Variants in CSMD1 observed in about 807,000 individuals in gnomAD.
CSMD1 encodes the protein CUB and sushi domain-containing protein 1.
Under a neutral mutation model 417.5 loss-of-function variants are expected in CSMD1, and 213 were observed. That is an observed-to-expected ratio of 0.51 (90% CI 0.46 to 0.57). CSMD1 has a LOEUF of 0.57. CSMD1 is among the 20% of genes least tolerant of loss of function. The probability of loss-of-function intolerance (pLI) is 0.00; values close to 1 mark genes in which losing one functional copy is unlikely to be tolerated. For missense variants in CSMD1, 6,923 were observed against 4,529.7 expected, an observed-to-expected ratio of 1.53 and a Z score of -15.17; for synonymous variants, 2,862 against 1,736.8, an observed-to-expected ratio of 1.65 and a Z score of -16.11.
intron 3 of CSMD1, among the ~76,000 whole-genome samples, chr8:4,383,441 G>C (rs554726654): frequency 6.6e-6 from 1 of 152,264 alleles, no homozygotes; most frequent in African/African-American, 2.4e-5. Flanking sequence ...CAGATACCAT[G>C]AATTTCACAG....
At chr8:4,592,278 A>T (rs1183163167) in intron 2 of CSMD1, among the ~76,000 whole-genome samples, 1 of 151,650 alleles carries the variant, frequency 6.6e-6, no homozygotes, top group African/African-American at 2.4e-5. Context: ...GTATTACAGA[A>T]TAGTGAAAGT....
At chr8:4,412,212 C>A (rs531074784) in intron 3 of CSMD1, among the ~76,000 whole-genome samples, 1 of 152,022 alleles carries the variant, frequency 6.6e-6, no homozygotes. Flanking sequence ...ATTGTAACCC[C>A]CAGTATTGGA....
Position 3,478,448 on chromosome 8 carries a change from G to C in CSMD1, c.1449-9624C>G, listed in dbSNP as rs572015631. 3.0e-4 allele frequency among the ~76,000 whole-genome samples: 45 copies of C among 152,200 alleles called. 1 individual carries two copies. The South Asian group carries it at 7.3e-3, about 25-fold the overall frequency. On this transcript the variant is annotated intron_variant, in intron 11 of 69. Transcript: ENST00000635120. ...CAGATCCTTTTTTCCTTCCCCCTCT[G>C]TGTAAAACACAAATATCAGGCCTGA...
intron 52 of CSMD1, among the ~76,000 whole-genome samples, chr8:3,001,178 T>C (rs1375464716): frequency 6.6e-6 from 1 of 152,012 alleles, no homozygotes; most frequent in Non-Finnish European, 1.5e-5. Flanking sequence ...TTATTTTTAG[T>C]AGAGATGGGG....
chr8:3,887,602 T>C (rs1470678381), intron 5 of CSMD1, among the ~76,000 whole-genome samples: 1 of 152,138 alleles, frequency 6.6e-6, no homozygotes, highest in Non-Finnish European at 1.5e-5. Flanking sequence ...GTTTTAAAGC[T>C]CCCCAGGTAA....
At chr8:3,025,892 C>T (rs1809834072) in intron 51 of CSMD1, among the ~76,000 whole-genome samples, 1 of 152,056 alleles carries the variant, frequency 6.6e-6, no homozygotes, top group Non-Finnish European at 1.5e-5. Flanking sequence ...AATAAATTAA[C>T]AAATCAATAT....
chr8:4,819,686 C>A (rs1274836557), intron 1 of CSMD1, among the ~76,000 whole-genome samples: 3 of 152,136 alleles, frequency 2.0e-5, no homozygotes, highest in African/African-American at 7.2e-5. Flanking sequence ...TTTGTAAATT[C>A]TGTCCCAGTG....
chr8:3,387,497 C>T lies in CSMD1; in HGVS notation c.2779G>A (p.Asp927Asn), dbSNP rs779007112. Reference sequence around the variant, plus strand: ...TGCCTCACTGAGCTGTACCTACCGTCGCAGCTGGGCAAGGCGTGGTTCCAC... The same window carrying T: ...TGCCTCACTGAGCTGTACCTACCGTTGCAGCTGGGCAAGGCGTGGTTCCAC... ...HQWNHALPSCDALCGGYIQGK... is the reference protein window; with the variant it reads ...HQWNHALPSCNALCGGYIQGK... The change falls in exon 18 of 70, where the codon GAC becomes AAC. Residue 927 changes from aspartate (D) to asparagine (N), a missense_variant. Transcript: ENST00000635120. 9 of 1,596,910 alleles carry T rather than the reference C, an allele frequency of 5.6e-6. No homozygotes were observed. The highest frequency in any genetic ancestry group is 3.4e-5 in the South Asian group (3 of 87,880).
chr8:4,441,285 T>C (rs187347), intron 2 of CSMD1, among the ~76,000 whole-genome samples: 5 of 110,638 alleles, frequency 4.5e-5, no homozygotes, highest in Non-Finnish European at 9.0e-5. Context: ...TTTTTTTTGG[T>C]GGGGGGAGTA....
chr8:3,589,339 G>A (rs768615650), intron 8 of CSMD1, among the ~76,000 whole-genome samples: 1 of 151,962 alleles, frequency 6.6e-6, no homozygotes, highest in Non-Finnish European at 1.5e-5. Context: ...AATCAATGCA[G>A]GGGTCCAACA....
intron 3 of CSMD1, among the ~76,000 whole-genome samples, chr8:4,108,055 C>A (rs6983668): frequency 8.6e-4 from 2 of 2,320 alleles, no homozygotes; most frequent in African/African-American, 3.5e-3. Flanking sequence ...GAGACAGAGA[C>A]AGAGACAGAG....
In CSMD1 at chr8:4,011,642, T is replaced by G. The variant is rs542939897; in HGVS notation, c.611-13532A>C. ...ATTCATCCATTTCCTCATCCTTGAA[T>G]TCTTTTCATTCCTACACTTCCTAAA... On this transcript the variant is annotated intron_variant, in intron 4 of 69. Coordinates refer to ENST00000635120, the MANE Select transcript of CSMD1 (RefSeq NM_033225.6). Among the ~76,000 whole-genome samples, 8 of 152,324 alleles carry G rather than the reference T, an allele frequency of 5.3e-5. No individual in the cohort carries two copies. The South Asian group carries it at 1.7e-3, about 32-fold the overall frequency.
chr8:4,468,652 C>A (rs547557823), intron 2 of CSMD1, among the ~76,000 whole-genome samples: 1 of 152,168 alleles, frequency 6.6e-6, no homozygotes, highest in Admixed American at 6.5e-5. Flanking sequence ...TCCTACTAAA[C>A]CTAGGTAGAT....
chr8:3,989,515 C>T (rs1399295640), intron 5 of CSMD1, among the ~76,000 whole-genome samples: 2 of 152,202 alleles, frequency 1.3e-5, no homozygotes, highest in Admixed American at 1.3e-4. Flanking sequence ...TAATACTCCA[C>T]AGGGTAGGAT....
chr8:3,548,966 C>T (rs1798795115), intron 10 of CSMD1, among the ~76,000 whole-genome samples: 1 of 152,136 alleles, frequency 6.6e-6, no homozygotes, highest in Non-Finnish European at 1.5e-5. Context: ...CTTAACTCTG[C>T]TCTTGCAGAC....
intron 3 of CSMD1, among the ~76,000 whole-genome samples, chr8:4,316,218 T>C (rs1374100089): frequency 4.6e-5 from 7 of 152,224 alleles, no homozygotes; most frequent in Admixed American, 6.5e-5. Flanking sequence ...TAAAATTTTA[T>C]GATTTTCTAA....
intron 37 of CSMD1, among the ~76,000 whole-genome samples, chr8:3,179,982 C>G (rs1363319457): frequency 6.6e-6 from 1 of 152,138 alleles, no homozygotes; most frequent in African/African-American, 2.4e-5. Flanking sequence ...GCAATCTGGC[C>G]TTTCAAAAAT....
intron 7 of CSMD1, among the ~76,000 whole-genome samples, chr8:3,693,133 G>C (rs76304580): frequency 0.019 from 2,958 of 152,180 alleles, 90 homozygotes; most frequent in African/African-American, 0.064. Context: ...CCAATAGATA[G>C]TCACCCACAC....
In CSMD1 at chr8:4,089,429, C is replaced by T. The variant is rs147425397; in HGVS notation, c.416-57330G>A. Among the ~76,000 whole-genome samples, 211 of 152,212 alleles carry T rather than the reference C, an allele frequency of 1.4e-3. 1 individual carries two copies. In the East Asian group the frequency reaches 0.037, roughly 27 times the overall value. ...ATGGTACATGGTTAGCATTCTGTGTCATTATTTTTCACTCATTTTTGTGTC... is the reference window on the plus strand; with the variant it reads ...ATGGTACATGGTTAGCATTCTGTGTTATTATTTTTCACTCATTTTTGTGTC... On this transcript the variant is annotated intron_variant, in intron 3 of 69. Coordinates refer to ENST00000635120, the MANE Select transcript of CSMD1 (RefSeq NM_033225.6).
Sources: gnomAD v4.1 joint callset for allele counts (sites outside exome capture counted in the v4.1 genomes callset) on GRCh38, gnomAD v4.1.1 for gene constraint, MANE v1.5 for transcripts, NCBI Gene and HGNC (gene_info 2026-07-23, HGNC 2026-07-21) for gene names.